HHAT: variants seen among roughly 807,000 people sequenced by gnomAD.
HHAT encodes protein-cysteine N-palmitoyltransferase HHAT.
HHAT carries 47 observed loss-of-function variants against 70.8 expected under a neutral mutation model. The ratio of observed to expected loss-of-function variants is 0.66; its 90% CI spans 0.53 to 0.85. HHAT has a LOEUF of 0.85. HHAT is among the 40% of genes least tolerant of loss of function. HHAT has a pLI of 0.00. For synonymous variants in HHAT, 228 were observed against 247.6 expected, an observed-to-expected ratio of 0.92 and a Z score of 0.74; for missense variants, 609 against 604.8, an observed-to-expected ratio of 1.01 and a Z score of -0.07.
intron 9 of HHAT, among the ~76,000 whole-genome samples, chr1:210,537,457 T>C (rs554210491): frequency 1.6e-4 from 25 of 152,226 alleles, no homozygotes; most frequent in Non-Finnish European, 2.8e-4. Context: ...TCCACACCAA[T>C]GTGGAGACTC....
intron 10 of HHAT, among the ~76,000 whole-genome samples, chr1:210,605,424 C>T (rs1165494773): frequency 1.3e-5 from 2 of 152,192 alleles, no homozygotes; most frequent in East Asian, 3.8e-4. Flanking sequence ...CTTATGCATA[C>T]TGGGCATTGG....
At chr1:210,618,482 CT>C (rs1668200048) in intron 10 of HHAT, among the ~76,000 whole-genome samples, 1 of 152,186 alleles carries the variant, frequency 6.6e-6, no homozygotes, top group African/African-American at 2.4e-5. Context: ...CACCCAGTTT[CT>C]GTTTTTAGCT....
At chr1:210,622,972 C>T (rs1669142400) in intron 10 of HHAT, among the ~76,000 whole-genome samples, 1 of 152,218 alleles carries the variant, frequency 6.6e-6, no homozygotes, top group Admixed American at 6.5e-5. Flanking sequence ...TTGTATTCCA[C>T]ATGTCAGAGG....
chr1:210,665,185 T>C (rs12069077), intron 11 of HHAT, among the ~76,000 whole-genome samples: 4,976 of 152,334 alleles, frequency 0.033, 121 homozygotes, highest in African/African-American at 0.059. Context: ...AAGAATCATA[T>C]TAGGTTGGTG....
At chr1:210,422,661 G>A (rs533895457) in intron 7 of HHAT, among the ~76,000 whole-genome samples, 265 of 151,210 alleles carry the variant, frequency 1.8e-3, no homozygotes, top group African/African-American at 6.2e-3. Flanking sequence ...TTTTTGAGAC[G>A]GAGTCTCGCT....
chr1:210,529,886 C>G (rs61828096), intron 9 of HHAT, among the ~76,000 whole-genome samples: 28,508 of 152,086 alleles, frequency 0.19, 3,293 homozygotes, highest in Middle Eastern at 0.28. Context: ...GAGTACATGT[C>G]CTTTAATAAA....
Position 210,572,038 on chromosome 1 carries a change from C to T in HHAT, c.1044-15860C>T, listed in dbSNP as rs150300829. Reference sequence around the variant, plus strand: ...GCTTACCGGCCCATTGTTTCCTGAGCGTGGGATGATGGTCTTGCTTTGTTT... The same window carrying T: ...GCTTACCGGCCCATTGTTTCCTGAGTGTGGGATGATGGTCTTGCTTTGTTT... On this transcript the variant is annotated intron_variant, in intron 9 of 11. Transcript: ENST00000261458. Among the ~76,000 whole-genome samples, 22 of 152,280 alleles carry T rather than the reference C, an allele frequency of 1.4e-4. No individual in the cohort carries two copies. The East Asian group carries it at 3.1e-3, about 21-fold the overall frequency.
At chr1:210,338,351 C>T (rs1048952808) in intron 1 of HHAT, among the ~76,000 whole-genome samples, 3 of 151,946 alleles carry the variant, frequency 2.0e-5, no homozygotes, top group African/African-American at 4.8e-5. Context: ...CAAAAAGGAG[C>T]CTGGAACCAA....
At chr1:210,568,311 AT>A (rs1269760007) in intron 9 of HHAT, among the ~76,000 whole-genome samples, 16 of 152,226 alleles carry the variant, frequency 1.1e-4, no homozygotes, top group African/African-American at 3.9e-4. Context: ...GCATCTCTTC[AT>A]CTCTATCTTT....
intron 9 of HHAT, among the ~76,000 whole-genome samples, chr1:210,524,722 T>C (rs1314397035): frequency 6.6e-6 from 1 of 152,112 alleles, no homozygotes; most frequent in Non-Finnish European, 1.5e-5. Context: ...AATTGGGATT[T>C]TTGAACCTCA....
chr1:210,666,213 G>C (rs1459465070), intron 11 of HHAT, among the ~76,000 whole-genome samples: 1 of 152,218 alleles, frequency 6.6e-6, no homozygotes, highest in African/African-American at 2.4e-5. Context: ...TGATAGCTCA[G>C]ACACAATTCA....
chr1:210,364,339 A>G (rs898200112), intron 3 of HHAT, among the ~76,000 whole-genome samples: 3 of 152,226 alleles, frequency 2.0e-5, no homozygotes, highest in African/African-American at 7.2e-5. Flanking sequence ...TTGAGATGAA[A>G]TAGGAGGTAG....
chr1:210,405,743 G>A (rs912962607), intron 6 of HHAT, among the ~76,000 whole-genome samples: 24 of 152,194 alleles, frequency 1.6e-4, no homozygotes, highest in Admixed American at 1.6e-3. Flanking sequence ...TCCAGTGAAA[G>A]TATGTAACTT....
At chr1:210,531,843 G>A (rs1157179273) in intron 9 of HHAT, among the ~76,000 whole-genome samples, 3 of 152,202 alleles carry the variant, frequency 2.0e-5, no homozygotes, top group African/African-American at 7.2e-5. Flanking sequence ...CTGTCACCAA[G>A]TCTATGTGAA....
intron 4 of HHAT, among the ~76,000 whole-genome samples, chr1:210,394,199 G>T (rs1438598176): frequency 7.6e-6 from 1 of 131,924 alleles, no homozygotes; most frequent in African/African-American, 2.7e-5. Context: ...GAGGTGACAG[G>T]TTATTTTTAT....
intron 8 of HHAT, among the ~76,000 whole-genome samples, chr1:210,491,718 A>G (rs376047233): frequency 2.4e-4 from 37 of 152,094 alleles, no homozygotes; most frequent in African/African-American, 8.7e-4. Flanking sequence ...GCTCTTCCCT[A>G]CCGGCATTCA....
chr1:210,620,872 T>G (rs965235434), intron 10 of HHAT, among the ~76,000 whole-genome samples: 1 of 150,588 alleles, frequency 6.6e-6, no homozygotes, highest in Non-Finnish European at 1.5e-5. Context: ...AGCAGCTCCT[T>G]CACAGTTGGT....
Position 210,474,145 on chromosome 1 carries a change from T to A in HHAT, c.1007+9490T>A, listed in dbSNP as rs903794610. 3.3e-5 allele frequency among the ~76,000 whole-genome samples: 5 copies of A among 152,328 alleles called. No individual in the cohort carries two copies. The South Asian group carries it at 1.0e-3, about 32-fold the overall frequency. Reference sequence around the variant, plus strand: ...ACAAGCCACTGAATCAGTTTTTCTTTAGCTTTTAGAAAGACCACCCCCCAT... The same window carrying A: ...ACAAGCCACTGAATCAGTTTTTCTTAAGCTTTTAGAAAGACCACCCCCCAT... On this transcript the variant is annotated intron_variant, in intron 8 of 11. Transcript: ENST00000261458.
At chr1:210,417,756 A>C (rs1000005379) in intron 6 of HHAT, among the ~76,000 whole-genome samples, 1 of 152,072 alleles carries the variant, frequency 6.6e-6, no homozygotes, top group African/African-American at 2.4e-5. Flanking sequence ...TGCCAGCCTC[A>C]GACATGAGTA....
Sources: allele counts gnomAD v4.1 joint callset (sites outside exome capture counted in the v4.1 genomes callset), GRCh38; gene constraint gnomAD v4.1.1; transcripts MANE v1.5; gene names NCBI Gene and HGNC (gene_info 2026-07-23, HGNC 2026-07-21).